The following GPHN variants were observed in gnomAD, a reference collection of about 807,000 sequenced individuals.
GPHN encodes gephyrin.
A neutral mutation model predicts 95.5 loss-of-function variants in GPHN; 17 were observed. The observed-to-expected ratio is 0.18, with a 90% confidence interval of 0.12 to 0.27. The LOEUF (loss-of-function observed/expected upper bound fraction) is 0.27, where lower values mean the gene tolerates loss of function less well. Ranked by LOEUF, GPHN falls within the 10% of genes least tolerant of loss-of-function variation. The pLI is 1.00. For synonymous variants in GPHN, 320 were observed against 322.5 expected, an observed-to-expected ratio of 0.99 and a Z score of 0.08; for missense variants, 660 against 978.1, an observed-to-expected ratio of 0.67 and a Z score of 4.34.
intron 9 of GPHN, among the ~76,000 whole-genome samples, chr14:66,983,193 G>A (rs746853391): frequency 6.6e-6 from 1 of 152,042 alleles, no homozygotes; most frequent in Non-Finnish European, 1.5e-5. Context: ...CAGAGGTTGC[G>A]GTGAGCTGAG....
the GPHN span, among the ~76,000 whole-genome samples, chr14:67,456,183 C>T: frequency 2.2e-4 from 33 of 152,248 alleles, no homozygotes; most frequent in Middle Eastern, 3.4e-3. Flanking sequence ...TCTCAAAAGA[C>T]GACATCCATC....
chr14:67,309,168 T>C, the GPHN span, among the ~76,000 whole-genome samples: 1 of 152,190 alleles, frequency 6.6e-6, no homozygotes, highest in African/African-American at 2.4e-5. Context: ...CCCTGGACCT[T>C]TCCTATGAGG....
the GPHN span, chr14:67,316,996 C>G: frequency 2.0e-6 from 2 of 977,000 alleles, no homozygotes; most frequent in Non-Finnish European, 3.1e-6. Context: ...TGAAGAAGTA[C>G]TCAGGGAAAG....
chr14:66,754,373 T>C (rs2058485061), intron 2 of GPHN, among the ~76,000 whole-genome samples: 1 of 152,014 alleles, frequency 6.6e-6, no homozygotes, highest in Non-Finnish European at 1.5e-5. Flanking sequence ...GAATATTCAA[T>C]TTATACTACT....
chr14:67,055,026 A>G (rs117499885), intron 10 of GPHN, among the ~76,000 whole-genome samples: 1,831 of 152,362 alleles, frequency 0.012, 17 homozygotes, highest in Non-Finnish European at 0.018. Flanking sequence ...CATTCAGGAC[A>G]TAGATACGGA....
At chr14:66,717,001 T>G (rs2070244508) in intron 2 of GPHN, among the ~76,000 whole-genome samples, 1 of 152,212 alleles carries the variant, frequency 6.6e-6, no homozygotes, top group Non-Finnish European at 1.5e-5. Context: ...GGCGATGATC[T>G]TTTTGTGATA....
At chr14:67,259,900 AT>A in the GPHN span, among the ~76,000 whole-genome samples, 1 of 151,316 alleles carries the variant, frequency 6.6e-6, no homozygotes, top group African/African-American at 2.4e-5. Flanking sequence ...AAAAAAAAGA[AT>A]ATATGTATTT....
chr14:66,810,207 A>G (rs2060702500), intron 3 of GPHN, among the ~76,000 whole-genome samples: 1 of 151,942 alleles, frequency 6.6e-6, no homozygotes. Context: ...ATATAGACAT[A>G]TGAAGTCTAT....
rs564825957 is a variant in GPHN, at chr14:66,548,517, T to G, written c.64+39926T>G. Among the ~76,000 whole-genome samples the G allele has an allele frequency of 3.9e-5, 6 of 152,334 alleles. No homozygotes were observed. In the South Asian group the frequency reaches 1.2e-3, roughly 32 times the overall value. On this transcript the variant is annotated intron_variant, in intron 1 of 22. Coordinates refer to ENST00000478722, the MANE Select transcript of GPHN (RefSeq NM_020806.5). ...TTGTTTTGGGGAGCCATGAACTGTG[T>G]CCATATAATATGGTGAACATAATAT...
At chr14:67,402,127 C>T in the GPHN span, among the ~76,000 whole-genome samples, 4 of 152,130 alleles carry the variant, frequency 2.6e-5, no homozygotes, top group Admixed American at 2.0e-4. Context: ...GAGGAAGAGT[C>T]CATCTCAAAC....
the GPHN span, among the ~76,000 whole-genome samples, chr14:67,278,558 C>G: frequency 6.6e-6 from 1 of 152,160 alleles, no homozygotes; most frequent in African/African-American, 2.4e-5. Context: ...TATGCCAAAT[C>G]AGTTGATCAT....
chr14:66,993,091 G>A (rs2071541454), intron 9 of GPHN, among the ~76,000 whole-genome samples: 1 of 152,120 alleles, frequency 6.6e-6, no homozygotes, highest in African/African-American at 2.4e-5. Context: ...TAAAGCTTGA[G>A]AAAAGAAGCC....
the GPHN span, among the ~76,000 whole-genome samples, chr14:67,368,993 T>TA: frequency 6.6e-6 from 1 of 151,950 alleles, no homozygotes; most frequent in African/African-American, 2.4e-5. Context: ...AGAAAACAAA[T>TA]ACCTAAAATG....
chr14:66,530,286 C>T (rs556161191), intron 1 of GPHN, among the ~76,000 whole-genome samples: 275 of 152,202 alleles, frequency 1.8e-3, no homozygotes, highest in Non-Finnish European at 2.9e-3. Flanking sequence ...TAATGGTGGA[C>T]GTCCCTCCTT....
intron 2 of GPHN, among the ~76,000 whole-genome samples, chr14:66,719,850 T>G (rs1219521338): frequency 6.6e-6 from 1 of 152,208 alleles, no homozygotes; most frequent in Non-Finnish European, 1.5e-5. Flanking sequence ...GTGTAATAGT[T>G]GCACTATGGT....
chr14:66,742,453 A>C (rs1400580818), intron 2 of GPHN, among the ~76,000 whole-genome samples: 1 of 152,138 alleles, frequency 6.6e-6, no homozygotes, highest in Non-Finnish European at 1.5e-5. Flanking sequence ...CTGTTTGGGC[A>C]GGATTGCATA....
At chr14:67,331,821 T>C in the GPHN span, among the ~76,000 whole-genome samples, 1 of 152,184 alleles carries the variant, frequency 6.6e-6, no homozygotes, top group Non-Finnish European at 1.5e-5. Flanking sequence ...GAGCTTACGG[T>C]AGACATAAGT....
chr14:67,595,675 C>T, the GPHN span, among the ~76,000 whole-genome samples: 4 of 152,180 alleles, frequency 2.6e-5, no homozygotes, highest in East Asian at 5.8e-4. Flanking sequence ...GAGACGTTCC[C>T]TTCATCATGA....
the GPHN span, chr14:67,353,062 T>G: frequency 3.9e-6 from 6 of 1,551,480 alleles, no homozygotes; most frequent in Non-Finnish European, 4.4e-6. Flanking sequence ...TAAACAAAGT[T>G]AAGACATCTA....
Sources: gnomAD v4.1 joint callset for allele counts (sites outside exome capture counted in the v4.1 genomes callset) on GRCh38, gnomAD v4.1.1 for gene constraint, MANE v1.5 for transcripts, NCBI Gene and HGNC (gene_info 2026-07-23, HGNC 2026-07-21) for gene names.